The following CSMD1 variants were observed in gnomAD, a reference collection of about 807,000 sequenced individuals.
CSMD1 encodes CUB and sushi domain-containing protein 1.
CSMD1 carries 213 observed loss-of-function variants against 417.5 expected under a neutral mutation model. The ratio of observed to expected loss-of-function variants is 0.51; its 90% confidence interval spans 0.46 to 0.57. CSMD1 has a LOEUF of 0.57. Ranked by LOEUF, CSMD1 falls within the 20% of genes least tolerant of loss-of-function variation. The pLI is 0.00. For missense variants in CSMD1, 6,923 were observed against 4,529.7 expected (o/e 1.53, Z -15.17); for synonymous variants, 2,862 against 1,736.8 (o/e 1.65, Z -16.11).
At chr8:4,232,602 G>C (rs1203409593) in intron 3 of CSMD1, among the ~76,000 whole-genome samples, 2 of 152,164 alleles carry the variant, frequency 1.3e-5, no homozygotes, top group East Asian at 3.9e-4. Context: ...CCTAACCACA[G>C]TGTCATGTCT....
intron 10 of CSMD1, among the ~76,000 whole-genome samples, chr8:3,557,804 T>G (rs1281438103): frequency 6.6e-6 from 1 of 152,206 alleles, no homozygotes; most frequent in African/African-American, 2.4e-5. Context: ...TTTGGTTGTT[T>G]CTAGGTTGAT....
At chr8:4,553,729 G>T (rs572537848) in intron 2 of CSMD1, among the ~76,000 whole-genome samples, 2 of 152,288 alleles carry the variant, frequency 1.3e-5, no homozygotes, top group African/African-American at 4.8e-5. Context: ...TCATGGCAAT[G>T]CTATTAGTGT....
At chr8:3,066,007 A>G (rs1277705710) in intron 49 of CSMD1, among the ~76,000 whole-genome samples, 1 of 152,216 alleles carries the variant, frequency 6.6e-6, no homozygotes, top group African/African-American at 2.4e-5. Flanking sequence ...TCAGTCATTT[A>G]AATGAAAAAT....
At chr8:4,531,125 GTAACT>G (rs1403850640) in intron 2 of CSMD1, among the ~76,000 whole-genome samples, 1 of 152,138 alleles carries the variant, frequency 6.6e-6, no homozygotes, top group African/African-American at 2.4e-5. Context: ...ATACAGATAT[GTAACT>G]TAACTGTGTG....
intron 3 of CSMD1, among the ~76,000 whole-genome samples, chr8:4,320,259 CCCA>C: frequency 6.6e-6 from 1 of 152,242 alleles, no homozygotes; most frequent in East Asian, 1.9e-4. Context: ...GAAAATAAGA[CCCA>C]CAACAAGTAG....
intron 26 of CSMD1, among the ~76,000 whole-genome samples, chr8:3,231,293 TAA>T (rs1272086404): frequency 1.3e-5 from 2 of 152,162 alleles, no homozygotes; most frequent in Non-Finnish European, 1.5e-5. Flanking sequence ...CTCCACTGCA[TAA>T]GAGATGACAA....
intron 11 of CSMD1, among the ~76,000 whole-genome samples, chr8:3,478,063 T>C (rs1817529677): frequency 6.6e-6 from 1 of 152,196 alleles, no homozygotes; most frequent in Admixed American, 6.5e-5. Flanking sequence ...GGCATCAACA[T>C]GAAATTAGAA....
At chr8:4,018,147 T>G (rs1336882534) in intron 4 of CSMD1, among the ~76,000 whole-genome samples, 1 of 152,200 alleles carries the variant, frequency 6.6e-6, no homozygotes, top group Admixed American at 6.5e-5. Context: ...TTTATGTCTT[T>G]TTTCAAAGAA....
At chr8:4,351,680 G>C (rs1029524524) in intron 3 of CSMD1, among the ~76,000 whole-genome samples, 1 of 152,168 alleles carries the variant, frequency 6.6e-6, no homozygotes, top group Non-Finnish European at 1.5e-5. Context: ...TCTTCCAAGA[G>C]GAGACTTGAA....
At chr8:4,053,766 G>A (rs996307881) in intron 3 of CSMD1, among the ~76,000 whole-genome samples, 1 of 152,064 alleles carries the variant, frequency 6.6e-6, no homozygotes, top group Admixed American at 6.6e-5. Flanking sequence ...GATGGCATTT[G>A]GGGGCTTAGA....
At chr8:4,041,752 G>A (rs1797906141) in intron 3 of CSMD1, among the ~76,000 whole-genome samples, 1 of 152,082 alleles carries the variant, frequency 6.6e-6, no homozygotes, top group South Asian at 2.1e-4. Flanking sequence ...TCAGTCAGGT[G>A]ATGATGGAAC....
At chr8:2,986,180 C>A (rs892645005) in intron 54 of CSMD1, among the ~76,000 whole-genome samples, 3 of 152,180 alleles carry the variant, frequency 2.0e-5, no homozygotes, top group Admixed American at 1.3e-4. Context: ...GATTGCCTGA[C>A]TTTCCTGCGA....
In CSMD1 at chr8:4,975,783, G is replaced by A. The variant is rs550206717; in HGVS notation, c.85+18549C>T. On this transcript the variant is annotated intron_variant, in intron 1 of 69. Coordinates refer to ENST00000635120, the MANE Select transcript of CSMD1 (RefSeq NM_033225.6). ...TCCATAATAACCACTATGACCAGTTGTGGAGGAGTCATGAATAGTGTATGC... is the reference window on the plus strand; with the variant it reads ...TCCATAATAACCACTATGACCAGTTATGGAGGAGTCATGAATAGTGTATGC... 3.0e-4 allele frequency among the ~76,000 whole-genome samples: 46 copies of A among 152,260 alleles called. No homozygotes were observed. In the East Asian group the frequency reaches 3.9e-3, roughly 13 times the overall value.
In CSMD1 at chr8:3,540,105, T is replaced by C. The variant is rs528882295; in HGVS notation, c.1344+34840A>G. Among the ~76,000 whole-genome samples the C allele has an allele frequency of 3.5e-4, 54 of 152,338 alleles. 1 individual carries two copies. In the South Asian group the frequency reaches 5.6e-3, roughly 16 times the overall value. On this transcript the variant is annotated intron_variant, in intron 10 of 69. Coordinates refer to ENST00000635120, the MANE Select transcript of CSMD1 (RefSeq NM_033225.6). ...GCTTCTCTGTGATTCTAGTTGCTTG[T>C]AGACTTGTTTACGGTCACAGTTTCA...
At chr8:4,125,514 T>A (rs1444938273) in intron 3 of CSMD1, among the ~76,000 whole-genome samples, 1 of 152,216 alleles carries the variant, frequency 6.6e-6, no homozygotes, top group African/African-American at 2.4e-5. Context: ...CGGCCGGACC[T>A]CCTGAGACTG....
At chr8:4,913,743 G>T (rs1216497587) in intron 1 of CSMD1, among the ~76,000 whole-genome samples, 2 of 152,222 alleles carry the variant, frequency 1.3e-5, no homozygotes, top group East Asian at 1.9e-4. Context: ...GCAAGCGAGG[G>T]AGTTGTCCAT....
intron 7 of CSMD1, among the ~76,000 whole-genome samples, chr8:3,668,006 G>T (rs1027951170): frequency 6.6e-6 from 1 of 152,092 alleles, no homozygotes; most frequent in Non-Finnish European, 1.5e-5. Flanking sequence ...GTGTCTGTGC[G>T]CCTCAGAGCA....
intron 1 of CSMD1, among the ~76,000 whole-genome samples, chr8:4,928,679 G>A (rs1449107556): frequency 1.3e-5 from 2 of 152,116 alleles, no homozygotes; most frequent in East Asian, 1.9e-4. Context: ...TAATTCAGCT[G>A]AATTGTGCCA....
chr8:4,372,494 C>A (rs76147667), intron 3 of CSMD1, among the ~76,000 whole-genome samples: 22,544 of 151,330 alleles, frequency 0.15, 2,120 homozygotes, highest in African/African-American at 0.27. Flanking sequence ...ACAACAACAA[C>A]AAAAAACAGA....
Sources: allele counts gnomAD v4.1 joint callset (sites outside exome capture counted in the v4.1 genomes callset), GRCh38; gene constraint gnomAD v4.1.1; transcripts MANE v1.5; gene names NCBI Gene and HGNC (gene_info 2026-07-23, HGNC 2026-07-21).